The following RPL31 variants were observed in gnomAD, a reference collection of about 807,000 sequenced individuals.
RPL31 encodes the protein ribosomal protein L31.
For missense variants in RPL31, 95 were observed against 164.0 expected, an observed-to-expected ratio of 0.58 and a Z score of 2.30; for synonymous variants, 51 against 55.0, an observed-to-expected ratio of 0.93 and a Z score of 0.32.
chr2:101,013,085 T>C (rs989176730), intron 4 of RPL31, among the ~76,000 whole-genome samples: 1 of 152,124 alleles, frequency 6.6e-6, no homozygotes, highest in Non-Finnish European at 1.5e-5. Context: ...ATGGGAGCCA[T>C]AGAAAGGCAG....
downstream of RPL31, chr2:101,011,520 C>A (rs903309520): frequency 1.2e-6 from 2 of 1,613,850 alleles, no homozygotes; most frequent in African/African-American, 2.7e-5. Flanking sequence ...GACTGGCTGT[C>A]TCGGTCATTT....
chr2:101,013,439 C>T (rs1031738840), intron 4 of RPL31, among the ~76,000 whole-genome samples: 2 of 152,158 alleles, frequency 1.3e-5, no homozygotes, highest in African/African-American at 2.4e-5. Context: ...GTAATTCAAG[C>T]GTCTAAATGG....
chr2:101,003,240 G>C (rs953227454), intron 2 of RPL31, among the ~76,000 whole-genome samples: 4 of 152,044 alleles, frequency 2.6e-5, no homozygotes, highest in Non-Finnish European at 5.9e-5. Context: ...TTTTCCCTAT[G>C]CCTGAATGTT....
downstream of RPL31, chr2:101,011,527 A>G (rs1054521082): frequency 1.9e-6 from 3 of 1,613,846 alleles, no homozygotes; most frequent in Non-Finnish European, 8.5e-7. Context: ...TGTCTCGGTC[A>G]TTTTCAGTGA....
At chr2:101,007,845 A>C (rs751847060), downstream of RPL31, 2 of 1,613,448 alleles carry the variant, frequency 1.2e-6, no homozygotes, top group Non-Finnish European at 8.5e-7. Flanking sequence ...GCTTAAGTTC[A>C]GATTGTGATT....
chr2:101,016,119 C>T (rs1679615325), intron 4 of RPL31, among the ~76,000 whole-genome samples: 1 of 152,142 alleles, frequency 6.6e-6, no homozygotes, highest in African/African-American at 2.4e-5. Flanking sequence ...AAGAAACTAC[C>T]ATCAGAGTGA....
rs1243632272 is a variant in RPL31, at chr2:101,006,440, A to C, written c.*59A>C. On this transcript the variant is annotated 3_prime_UTR_variant, in exon 5 of 5. Transcript: ENST00000264258. ...TTGCCTTCATGTTTTTGTTCTTTTT[A>C]GTTGCAACATAATGTACTTGTATAC... The C allele has an allele frequency of 2.0e-5, 30 of 1,514,222 alleles. No individual in the cohort carries two copies. The highest frequency in any genetic ancestry group is 2.6e-5 in the Non-Finnish European group (29 of 1,107,012). 93.8% of individuals were successfully genotyped at this position (1,514,222 alleles called of 1,614,324 possible).
At chr2:101,018,755 G>A (rs1679839264) in intron 4 of RPL31, among the ~76,000 whole-genome samples, 1 of 152,176 alleles carries the variant, frequency 6.6e-6, no homozygotes, top group Admixed American at 6.5e-5. Context: ...TCTCATTTGT[G>A]TGTGTCCATT....
intron 4 of RPL31, among the ~76,000 whole-genome samples, chr2:101,013,196 C>T (rs1196435520): frequency 6.6e-6 from 1 of 152,156 alleles, no homozygotes; most frequent in Non-Finnish European, 1.5e-5. Context: ...AGCAGAGCCT[C>T]CCAACCTCTG....
intron 2 of RPL31, among the ~76,000 whole-genome samples, chr2:101,003,908 A>T (rs900429230): frequency 2.6e-5 from 4 of 152,172 alleles, no homozygotes; most frequent in African/African-American, 9.7e-5. Flanking sequence ...ACTGGTGGGA[A>T]AAAAGGATTG....
intron 4 of RPL31, among the ~76,000 whole-genome samples, chr2:101,017,325 T>C (rs148739888): frequency 6.5e-4 from 99 of 152,332 alleles, no homozygotes; most frequent in African/African-American, 2.0e-3. Context: ...AATAGTATAG[T>C]AATTACATAA....
At chr2:101,018,645 CAT>C (rs2105372277) in intron 4 of RPL31, among the ~76,000 whole-genome samples, 1 of 152,324 alleles carries the variant, frequency 6.6e-6, no homozygotes, top group South Asian at 2.1e-4. Context: ...AATAAAATAG[CAT>C]ATTCCCTGAA....
Position 101,006,719 on chromosome 2 carries a change from A to C in RPL31, c.*338A>C, listed in dbSNP as rs533807719. On this transcript the variant is annotated 3_prime_UTR_variant, in exon 5 of 5. Coordinates refer to ENST00000264258, the MANE Select transcript of RPL31 (RefSeq NM_000993.5). ...GCCATTGACATCTTAACATTTTAGGAAACAACTTTAAAATGATATACTATC... is the reference window on the plus strand; with the variant it reads ...GCCATTGACATCTTAACATTTTAGGCAACAACTTTAAAATGATATACTATC... 682 of 251,856 alleles carry C rather than the reference A, an allele frequency of 2.7e-3. 1 individual carries two copies. The highest frequency in any genetic ancestry group is 4.2e-3 in the Non-Finnish European group (555 of 133,432). 15.6% of individuals were successfully genotyped at this position (251,856 alleles called of 1,614,324 possible).
chr2:101,008,297 T>G, downstream of RPL31: 1 of 1,495,684 alleles, frequency 6.7e-7, no homozygotes, highest in Non-Finnish European at 8.9e-7. Context: ...AAGTCTTAGG[T>G]AGCAGCAGAA....
At position 101,004,231 on chromosome 2, in the gene RPL31, G is replaced by A; in HGVS notation, c.181G>A (p.Asp61Asn). The A allele has an allele frequency of 6.2e-7, 1 of 1,614,142 alleles. No homozygotes were observed. Among genetic ancestry groups the A allele is most frequent in the Non-Finnish European group, 8.5e-7 (1 of 1,180,012 alleles). Residue 61 changes from aspartate to asparagine, a missense_variant, in exon 3 of 5, where the codon GAT (aspartate) becomes AAT (asparagine). Coordinates refer to ENST00000264258, the MANE Select transcript of RPL31 (RefSeq NM_000993.5). ...TGCCATGAAGGAGATGGGAACTCCA[G>A]ATGTGCGCATTGACACCAGGCTCAA... ...KFAMKEMGTPDVRIDTRLNKA... is the reference protein window; with the variant it reads ...KFAMKEMGTPNVRIDTRLNKA...
downstream of RPL31, chr2:101,008,239 C>A: frequency 6.3e-7 from 1 of 1,586,250 alleles, no homozygotes; most frequent in South Asian, 1.2e-5. Context: ...ATGGAACATA[C>A]TGTACAGAGT....
At chr2:101,004,553 C>T (rs1220789119) in intron 3 of RPL31, 3 of 446,268 alleles carry the variant, frequency 6.7e-6, no homozygotes, top group African/African-American at 2.0e-5. Context: ...GATCTGGGAG[C>T]GGGGTGGTGA....
intron 2 of RPL31, among the ~76,000 whole-genome samples, chr2:101,003,616 C>T (rs576998973): frequency 7.2e-5 from 11 of 152,154 alleles, no homozygotes; most frequent in Non-Finnish European, 1.3e-4. Flanking sequence ...GTACCGTTTA[C>T]TTCTGGATGT....
intron 2 of RPL31, among the ~76,000 whole-genome samples, chr2:101,003,884 G>C (rs1678628213): frequency 6.6e-6 from 1 of 152,160 alleles, no homozygotes; most frequent in African/African-American, 2.4e-5. Flanking sequence ...TATGCTAATT[G>C]CTGGGCATTG....
Sources: gnomAD v4.1 joint callset for allele counts (sites outside exome capture counted in the v4.1 genomes callset) on GRCh38, gnomAD v4.1.1 for gene constraint, MANE v1.5 for transcripts, NCBI Gene and HGNC (gene_info 2026-07-23, HGNC 2026-07-21) for gene names.